ESRRG: variants seen among roughly 807,000 people sequenced by gnomAD.
ESRRG encodes estrogen-related receptor gamma.
ESRRG carries 13 observed loss-of-function variants against 44.0 expected under a neutral mutation model. The ratio of observed to expected loss-of-function variants is 0.30; its 90% confidence interval spans 0.19 to 0.47. The LOEUF is 0.47. Among genes scored for constraint, ESRRG ranks in the 20% least tolerant of loss-of-function variants. The pLI is 1.00. For synonymous variants in ESRRG, 215 were observed against 214.6 expected, an observed-to-expected ratio of 1.00 and a Z score of -0.02; for missense variants, 395 against 580.6, an observed-to-expected ratio of 0.68 and a Z score of 3.29.
chr1:216,718,375 C>T (rs2085370544), intron 1 of ESRRG, among the ~76,000 whole-genome samples: 1 of 151,792 alleles, frequency 6.6e-6, no homozygotes, highest in African/African-American at 2.4e-5. Context: ...GGTATCCTAT[C>T]GACTGCTTTG....
intron 1 of ESRRG, among the ~76,000 whole-genome samples, chr1:216,971,655 G>A (rs1387757683): frequency 6.6e-6 from 1 of 152,052 alleles, no homozygotes; most frequent in African/African-American, 2.4e-5. Flanking sequence ...ATTTGCAATG[G>A]TTTATTTTAA....
intron 3 of ESRRG, among the ~76,000 whole-genome samples, chr1:216,650,753 G>T (rs141898218): frequency 4.3e-4 from 65 of 152,218 alleles, no homozygotes; most frequent in Admixed American, 4.1e-3. Flanking sequence ...GGTGTGTTTC[G>T]CTGTACATCA....
Position 216,504,940 on chromosome 1 carries a change from T to C in ESRRG, c.*1999A>G, listed in dbSNP as rs2040948329. On this transcript the variant is annotated 3_prime_UTR_variant, in exon 7 of 7. Transcript: ENST00000408911. ...CTGTAGTCTCCTGAGGAATTGTACATCCAATATTGTCTCTAATTCTACCCT... is the reference window on the plus strand; with the variant it reads ...CTGTAGTCTCCTGAGGAATTGTACACCCAATATTGTCTCTAATTCTACCCT... The C allele has an allele frequency of 6.6e-6, 1 of 152,540 alleles. No homozygotes were observed. Among genetic ancestry groups the C allele is most frequent in the South Asian group, 2.1e-4 (1 of 4,824 alleles). 9.4% of individuals were successfully genotyped at this position (152,540 alleles called of 1,614,324 possible).
At chr1:216,934,942 G>C (rs1560171845) in intron 2 of ESRRG, among the ~76,000 whole-genome samples, 1 of 152,168 alleles carries the variant, frequency 6.6e-6, no homozygotes. Flanking sequence ...CCGGTATGTA[G>C]TAAGCACTCA....
At chr1:217,128,067 C>T (rs552449575) in intron 1 of ESRRG, among the ~76,000 whole-genome samples, 1 of 152,194 alleles carries the variant, frequency 6.6e-6, no homozygotes, top group South Asian at 2.1e-4. Flanking sequence ...AGGCAGTATC[C>T]AGGGGTTTGC....
chr1:216,929,504 T>C (rs1383601967), intron 2 of ESRRG, among the ~76,000 whole-genome samples: 1 of 151,344 alleles, frequency 6.6e-6, no homozygotes, highest in Non-Finnish European at 1.5e-5. Flanking sequence ...GGAGAGGGAG[T>C]GCTTGAAGAA....
chr1:216,677,558 G>T (rs2076321906), intron 1 of ESRRG, 67 bp from the exon 2 acceptor site: 4 of 1,338,544 alleles, frequency 3.0e-6, no homozygotes, highest in Non-Finnish European at 3.0e-6. Flanking sequence ...GACCAAAAGA[G>T]GTAGAAACAA....
At chr1:216,537,394 G>T (rs1263743123) in intron 5 of ESRRG, among the ~76,000 whole-genome samples, 2 of 151,994 alleles carry the variant, frequency 1.3e-5, no homozygotes, top group African/African-American at 4.8e-5. Flanking sequence ...CCATTCTATG[G>T]TATTTTTGTC....
chr1:216,548,786 T>C (rs556213292), intron 5 of ESRRG, among the ~76,000 whole-genome samples: 1 of 152,222 alleles, frequency 6.6e-6, no homozygotes, highest in East Asian at 1.9e-4. Context: ...TTTAGGAAAG[T>C]GTGCCCCCAT....
chr1:216,906,972 A>C (rs947721924), intron 2 of ESRRG, among the ~76,000 whole-genome samples: 1 of 152,152 alleles, frequency 6.6e-6, no homozygotes, highest in African/African-American at 2.4e-5. Flanking sequence ...GCACATGTGT[A>C]TATATTTGTG....
At chr1:216,648,615 C>A (rs1033924237) in intron 3 of ESRRG, among the ~76,000 whole-genome samples, 6 of 152,092 alleles carry the variant, frequency 3.9e-5, no homozygotes, top group Admixed American at 3.3e-4. Context: ...GGAAAAATAT[C>A]TTCTTTAAAC....
chr1:216,613,636 G>A (rs900153162), intron 3 of ESRRG, among the ~76,000 whole-genome samples: 5 of 152,014 alleles, frequency 3.3e-5, no homozygotes, highest in African/African-American at 9.7e-5. Flanking sequence ...GCCTCTCTAC[G>A]TATACCAATT....
chr1:216,789,130 G>A (rs2094227787), intron 2 of ESRRG, among the ~76,000 whole-genome samples: 1 of 152,150 alleles, frequency 6.6e-6, no homozygotes, highest in Non-Finnish European at 1.5e-5. Flanking sequence ...GGTTGGAGAG[G>A]ATTGACTCTC....
intron 5 of ESRRG, among the ~76,000 whole-genome samples, chr1:216,555,646 G>A (rs2057389364): frequency 6.6e-6 from 1 of 151,968 alleles, no homozygotes; most frequent in South Asian, 2.1e-4. Context: ...TTTCTCGGAT[G>A]CCTGATGTCT....
At chr1:216,723,920 G>A (rs1318526830), upstream of ESRRG, among the ~76,000 whole-genome samples, 1 of 152,076 alleles carries the variant, frequency 6.6e-6, no homozygotes, top group Non-Finnish European at 1.5e-5. Flanking sequence ...TTGTCCTGCC[G>A]TTGTCTGTGT....
chr1:216,622,059 G>T (rs1207085182), intron 3 of ESRRG, among the ~76,000 whole-genome samples: 3 of 152,176 alleles, frequency 2.0e-5, no homozygotes, highest in Admixed American at 2.0e-4. Context: ...AGTTGGCATG[G>T]AATTCAAGCA....
chr1:216,937,921 T>A (rs1009607527), intron 2 of ESRRG, among the ~76,000 whole-genome samples: 12 of 152,024 alleles, frequency 7.9e-5, no homozygotes, highest in Non-Finnish European at 1.3e-4. Flanking sequence ...TTTATTATTT[T>A]TTTTTTTCTT....
chr1:216,573,848 A>G (rs959394339), intron 3 of ESRRG, among the ~76,000 whole-genome samples: 4 of 152,062 alleles, frequency 2.6e-5, no homozygotes, highest in African/African-American at 9.7e-5. Context: ...TAATTAAACT[A>G]ATACCTTTAA....
chr1:217,036,910 G>T (rs2083005458), intron 1 of ESRRG, among the ~76,000 whole-genome samples: 1 of 152,046 alleles, frequency 6.6e-6, no homozygotes, highest in Non-Finnish European at 1.5e-5. Flanking sequence ...CCTCAAGCTG[G>T]TACTGACCTC....
Sources: gnomAD v4.1 joint callset for allele counts (sites outside exome capture counted in the v4.1 genomes callset) on GRCh38, gnomAD v4.1.1 for gene constraint, MANE v1.5 for transcripts, NCBI Gene and HGNC (gene_info 2026-07-23, HGNC 2026-07-21) for gene names.